Variants in UNKL observed in about 807,000 individuals in gnomAD.
UNKL encodes putative E3 ubiquitin-protein ligase UNKL.
A neutral mutation model predicts 78.0 loss-of-function variants in UNKL; 60 were observed. That is an observed-to-expected ratio of 0.77 (90% confidence interval 0.63 to 0.95). UNKL has a LOEUF of 0.95. UNKL is among the 40% of genes least tolerant of loss of function. UNKL has a pLI of 0.00. For synonymous variants in UNKL, 608 were observed against 474.8 expected (o/e 1.28, Z -3.65); for missense variants, 1,159 against 1,045.7 (o/e 1.11, Z -1.49).
chr16:1,403,423 T>A lies in UNKL; in HGVS notation c.288-79A>T. On this transcript the variant is annotated intron_variant, in intron 2 of 14. Coordinates refer to ENST00000389221, the MANE Select transcript of UNKL (RefSeq NM_001372107.1). This position sits in a 1 kb window ranked among gnomAD's most constrained non-coding sequence, Gnocchi z 4.8. ...CTAAGCTCCCTGGGTCCACGCCCTG[T>A]CAGCACGTGGCAAGCAGTGAATTCC... is the stretch of plus-strand genomic sequence containing the variant. 6.7e-7 allele frequency: 1 copy of A among 1,489,702 alleles called. No homozygotes were observed. The highest frequency in any genetic ancestry group is 1.4e-5 in the African/African-American group (1 of 71,986). The allele number at this position is 1,489,702 out of a possible 1,614,324, so 92.3% of individuals were successfully genotyped here.
intron 5 of UNKL, chr16:1,398,551 T>C (rs1025871755): frequency 5.9e-6 from 8 of 1,359,162 alleles, no homozygotes; most frequent in East Asian, 6.1e-5. Context: ...CTCCGGGGCA[T>C]GCGAGGCAGC....
chr16:1,366,893 A>AAGGCGGCTCCCAGGGAGAC (rs1567195016), intron 14 of UNKL, among the ~76,000 whole-genome samples, 199 bp downstream of exon 14: 1 of 151,926 alleles, frequency 6.6e-6, no homozygotes, highest in Non-Finnish European at 1.5e-5. Context: ...CCTGACAGGA[A>AAGGCGGCTCCCAGGGAGAC]AGGCGGCTCC....
chr16:1,395,873 C>G, intron 6 of UNKL: 1 of 417,668 alleles, frequency 2.4e-6, no homozygotes, highest in Non-Finnish European at 5.0e-6. Flanking sequence ...GCGTCTGTGA[C>G]AACATGAGTC....
At chr16:1,397,813 T>C (rs868435472) in intron 5 of UNKL, among the ~76,000 whole-genome samples, 3 of 151,486 alleles carry the variant, frequency 2.0e-5, no homozygotes, top group African/African-American at 4.8e-5. Flanking sequence ...GGGCAGGGCG[T>C]GGACCTGGGG....
Position 1,413,911 on chromosome 16 carries a change from G to A in UNKL, c.222C>T (p.Asn74=). ...RPLRRRDGTF[N]YSPDVYCSKY... ...TGGAGCAGTACACGTCGGGGCTGTA[G>A]TTGAAGGTGCCGTCGCGCCTGCGGA... The change falls in exon 2 of 15, where the codon AAC becomes AAT. Residue 74 remains asparagine (N), a synonymous_variant. Transcript: ENST00000389221. 6.4e-7 allele frequency: 1 copy of A among 1,558,996 alleles called. No homozygotes were observed.
intron 6 of UNKL, among the ~76,000 whole-genome samples, chr16:1,396,323 C>T (rs905729467): frequency 1.3e-5 from 2 of 150,700 alleles, no homozygotes; most frequent in Non-Finnish European, 2.9e-5. Context: ...GGCGTGATCT[C>T]GGCTCACTCT....
At chr16:1,367,612 G>A (rs1487970852) in intron 13 of UNKL, 44 bp downstream of exon 13, 91 of 1,192,036 alleles carry the variant, frequency 7.6e-5, no homozygotes, top group Middle Eastern at 2.9e-4. Context: ...AGTCCCCTGC[G>A]GCCCTCCCTC....
At position 1,367,814 on chromosome 16, in the gene UNKL, T is replaced by C; in HGVS notation, c.1630A>G (p.Ser544Gly). The C allele has an allele frequency of 6.3e-7, 1 of 1,575,722 alleles. No homozygotes were observed. The highest frequency in any genetic ancestry group is 8.6e-7 in the Non-Finnish European group (1 of 1,161,738). ...ATGGGGGAGGGGCTGGGGGAGAAGC[T>C]GCCGGAAACAAAGTCCCAGATGCTC... Reference protein sequence around the residue: ...PGSIWDFVSGSFSPSPSPILS... With the variant: ...PGSIWDFVSGGFSPSPSPILS... The change falls in exon 13 of 15, where the codon AGC becomes GGC. Residue 544 changes from serine (S) to glycine (G), a missense_variant. Physicochemically the swap from Ser to Gly is moderately conservative, Grantham distance 56. Transcript: ENST00000389221.
intron 6 of UNKL, 131 bp from the exon 7 acceptor site, chr16:1,394,346 G>T: frequency 9.0e-7 from 1 of 1,114,478 alleles, no homozygotes. Flanking sequence ...AGGGGGGCGT[G>T]GGCCCTGCCC....
intron 7 of UNKL, among the ~76,000 whole-genome samples, chr16:1,393,763 A>G (rs2037146500): frequency 6.6e-6 from 1 of 152,206 alleles, no homozygotes; most frequent in South Asian, 2.1e-4. Flanking sequence ...GTCTCGGAGC[A>G]AGGCCCAGGC....
In UNKL at chr16:1,413,898, C is replaced by A; in HGVS notation, c.235G>T (p.Val79Leu). 6.4e-7 allele frequency: 1 copy of A among 1,558,818 alleles called. No individual in the cohort carries two copies. The highest frequency in any genetic ancestry group is 8.7e-7 in the Non-Finnish European group (1 of 1,151,512). Residue 79 changes from valine (V) to leucine (L), a missense_variant, in exon 2 of 15, where the codon GTG becomes TTG. Transcript: ENST00000389221. ...RDGTFNYSPD[V>L]YCSKYNEATG... ...GCTTCGTTGTACTTGGAGCAGTACA[C>A]GTCGGGGCTGTAGTTGAAGGTGCCG...
chr16:1,398,338 G>T, intron 5 of UNKL: 1 of 1,013,150 alleles, frequency 9.9e-7, no homozygotes. Context: ...TAACTGATTT[G>T]TATTTATGGG....
In UNKL at chr16:1,385,348, G is replaced by T; in HGVS notation, c.1124C>A (p.Ala375Asp). 3 of 1,417,976 alleles carry T rather than the reference G, an allele frequency of 2.1e-6. No individual in the cohort carries two copies. The highest frequency in any genetic ancestry group is 1.5e-5 in the South Asian group (1 of 68,762). 87.8% of individuals were successfully genotyped at this position (1,417,976 alleles called of 1,614,324 possible). The change falls in exon 10 of 15, where the codon GCC becomes GAC. Residue 375 changes from alanine to aspartate, a missense_variant. Transcript: ENST00000389221. ...LAVFAAVHPPAPSVSSSVASS... is the reference protein window; with the variant it reads ...LAVFAAVHPPDPSVSSSVASS... ...CGCCACGCTGGAGCTCACGCTGGGG[G>T]CCGGCGGGTGGACCGCTGCAAACAC...
At chr16:1,401,540 C>A in intron 4 of UNKL, 28 bp downstream of exon 4, 1 of 1,515,112 alleles carries the variant, frequency 6.6e-7, no homozygotes, top group South Asian at 1.3e-5. Context: ...CCCCCCACCA[C>A]CGCCCTCAGC....
intron 10 of UNKL, among the ~76,000 whole-genome samples, chr16:1,375,311 G>A (rs564490726): frequency 1.1e-3 from 162 of 152,318 alleles, no homozygotes; most frequent in Non-Finnish European, 1.9e-3. Flanking sequence ...AGCGGCAGGC[G>A]GGAGAGAAGC....
chr16:1,368,046 C>T (rs949992555), intron 12 of UNKL, 188 bp from the exon 13 acceptor site: 29 of 610,088 alleles, frequency 4.8e-5, no homozygotes, highest in Non-Finnish European at 7.9e-5. Context: ...CAGGAAGAGG[C>T]GCTGACAGTG....
rs1469731778 is a variant in UNKL at position 1,363,873 on chromosome 16, C to T, written c.*2367G>A. On this transcript the variant is annotated 3_prime_UTR_variant, in exon 15 of 15. Transcript: ENST00000389221. ...GCCACCTCCATCTCCCAGCTGTCCC[C>T]CCACCCCTGGGGCTCCCCAGCTCTA... is the stretch of plus-strand genomic sequence containing the variant. 3 of 152,630 alleles carry T rather than the reference C, an allele frequency of 2.0e-5. No individual in the cohort carries two copies. The highest frequency in any genetic ancestry group is 1.9e-4 in the East Asian group (1 of 5,182). The allele number at this position is 152,630 out of a possible 1,614,324, so 9.5% of individuals were successfully genotyped here. A position where few individuals can be genotyped will look rare whatever the true frequency, so the allele number is the denominator to read the frequency against.
In UNKL at chr16:1,366,295, C is replaced by A. The variant is rs775559720; in HGVS notation, c.2147G>T (p.Cys716Phe). ...PCQHHILCEP[C>F]AATAPECPYC... ...GGGGCACTCAGGTGCGGTGGCCGCA[C>A]ACGGCTCACAGAGGATGTGGTGCTG... is the stretch of plus-strand genomic sequence containing the variant. Residue 716 changes from cysteine (C) to phenylalanine (F), a missense_variant, in exon 15 of 15, where the codon TGT (cysteine) becomes TTT (phenylalanine). By Grantham distance (205) the Cys-to-Phe change is radical (BLOSUM62 -2). Transcript: ENST00000389221. 6.3e-7 allele frequency: 1 copy of A among 1,598,632 alleles called. No individual in the cohort carries two copies. Among genetic ancestry groups the A allele is most frequent in the Non-Finnish European group, 8.5e-7 (1 of 1,174,084 alleles).
At chr16:1,384,946 G>A (rs985602730) in intron 10 of UNKL, among the ~76,000 whole-genome samples, 19 of 152,212 alleles carry the variant, frequency 1.2e-4, no homozygotes, top group Admixed American at 2.0e-4. Flanking sequence ...GCCGGACGGC[G>A]CCTGCTCTGC....
Sources: gnomAD v4.1 joint callset for allele counts (sites outside exome capture counted in the v4.1 genomes callset) on GRCh38, gnomAD v4.1.1 for gene constraint, Gnocchi (gnomAD v3.1) non-coding constraint, MANE v1.5 for transcripts, NCBI Gene and HGNC (gene_info 2026-07-23, HGNC 2026-07-21) for gene names.